Variants in KCNH7 observed in about 807,000 individuals in gnomAD.
KCNH7 encodes the protein voltage-gated inwardly rectifying potassium channel KCNH7.
In KCNH7, 49 loss-of-function variants were observed where a neutral mutation model predicts 120.8. The observed-to-expected ratio is 0.41, with a 90% CI of 0.32 to 0.51. The LOEUF (loss-of-function observed/expected upper bound fraction) is 0.51, where lower values mean the gene tolerates loss of function less well. KCNH7 is among the 20% of genes least tolerant of loss of function. KCNH7 has a pLI of 0.38. For synonymous variants in KCNH7, 547 were observed against 516.1 expected (o/e 1.06, Z -0.81); for missense variants, 1,097 against 1,446.6 (o/e 0.76, Z 3.92).
In KCNH7 at chr2:162,371,737, C is replaced by T; in HGVS notation, c.*92G>A. 8.3e-7 allele frequency: 1 copy of T among 1,204,506 alleles called. No homozygotes were observed. 74.6% of individuals were successfully genotyped at this position (1,204,506 alleles called of 1,614,324 possible). On this transcript the variant is annotated 3_prime_UTR_variant, in exon 16 of 16. Coordinates refer to ENST00000332142, the MANE Select transcript of KCNH7 (RefSeq NM_033272.4). ...TTTGCATATAATGGTACCTTGTGAG[C>T]CCCTGAGTCAAGTAGAGAGGATTTA... is the stretch of plus-strand genomic sequence containing the variant.
chr2:162,757,928 A>C (rs1411259247), intron 2 of KCNH7, among the ~76,000 whole-genome samples: 1 of 152,168 alleles, frequency 6.6e-6, no homozygotes, highest in Non-Finnish European at 1.5e-5. Context: ...TATATTCCTT[A>C]TTCTCAATAA....
chr2:162,494,231 T>A (rs1415596968), intron 6 of KCNH7, among the ~76,000 whole-genome samples: 3 of 152,232 alleles, frequency 2.0e-5, no homozygotes, highest in African/African-American at 7.2e-5. Flanking sequence ...AATAAGAGGT[T>A]TTTGGTCTTT....
At chr2:162,558,350 A>G (rs761257875) in intron 2 of KCNH7, among the ~76,000 whole-genome samples, 3 of 151,592 alleles carry the variant, frequency 2.0e-5, no homozygotes, top group Non-Finnish European at 2.9e-5. Flanking sequence ...AATTTTTTGT[A>G]TTTTTGGTAG....
At chr2:162,781,731 G>C (rs1384354953) in intron 2 of KCNH7, among the ~76,000 whole-genome samples, 2 of 152,138 alleles carry the variant, frequency 1.3e-5, no homozygotes, top group Non-Finnish European at 2.9e-5. Context: ...GTTTTAAACT[G>C]TCTTTCCCTC....
Position 162,373,464 on chromosome 2 carries a change from A to G in KCNH7, c.3324+6T>C. On this transcript the variant is annotated splice_donor_region_variant and intron_variant, in intron 15 of 15. Transcript: ENST00000332142. Reference sequence around the variant, plus strand: ...ACACTCTTGGTTGGATGGTATCCACACTTACTTGTGAGGAAGGGCTGAAAC... The same window carrying G: ...ACACTCTTGGTTGGATGGTATCCACGCTTACTTGTGAGGAAGGGCTGAAAC... 6.6e-7 allele frequency: 1 copy of G among 1,514,898 alleles called. No homozygotes were observed. Among genetic ancestry groups the G allele is most frequent in the Non-Finnish European group, 8.9e-7 (1 of 1,128,000 alleles). 93.8% of individuals were successfully genotyped at this position (1,514,898 alleles called of 1,614,324 possible).
At chr2:162,406,210 T>C (rs1014995770) in intron 9 of KCNH7, among the ~76,000 whole-genome samples, 32 of 151,966 alleles carry the variant, frequency 2.1e-4, no homozygotes, top group African/African-American at 7.7e-4. Flanking sequence ...TTCCTTTTTT[T>C]TTAAACGCCA....
At chr2:162,441,986 ATAGT>A (rs1399794189) in intron 7 of KCNH7, among the ~76,000 whole-genome samples, 21 of 124,044 alleles carry the variant, frequency 1.7e-4, no homozygotes, top group Admixed American at 2.4e-4. Context: ...AAAAAATTAA[ATAGT>A]TAGGTCTTCT....
At chr2:162,521,907 G>A (rs138868089) in intron 3 of KCNH7, among the ~76,000 whole-genome samples, 142 of 151,624 alleles carry the variant, frequency 9.4e-4, no homozygotes, top group African/African-American at 3.2e-3. Context: ...CCCCCACCCC[G>A]TACCCTGCTA....
intron 2 of KCNH7, among the ~76,000 whole-genome samples, chr2:162,671,549 C>T (rs1685358284): frequency 6.6e-6 from 1 of 151,982 alleles, no homozygotes; most frequent in Admixed American, 6.6e-5. Flanking sequence ...ACGTTGGCAA[C>T]TCCAAAAGGT....
chr2:162,500,143 AATATAC>A (rs1403555977), intron 6 of KCNH7, among the ~76,000 whole-genome samples: 1 of 148,240 alleles, frequency 6.7e-6, no homozygotes, highest in African/African-American at 2.5e-5. Flanking sequence ...CATTATATAT[AATATAC>A]ATATTGATAT....
At chr2:162,474,290 T>C (rs1252077553) in intron 6 of KCNH7, among the ~76,000 whole-genome samples, 2 of 152,198 alleles carry the variant, frequency 1.3e-5, no homozygotes, top group African/African-American at 4.8e-5. Context: ...TTATGCACTG[T>C]ATATAAAGGG....
Position 162,394,431 on chromosome 2 carries a change from G to A in KCNH7, c.2668C>T (p.Leu890=). The part of the protein sequence containing the change: ...MNDSEGDNCK[L]RRRKLSFESE... ...TCAAATGACAATTTCCTTCTTCTTAGTTTACAGTTGTCTCCTTCTGAATCA... is the reference window on the plus strand; with the variant it reads ...TCAAATGACAATTTCCTTCTTCTTAATTTACAGTTGTCTCCTTCTGAATCA... The change falls in exon 12 of 16, where the codon CTA becomes TTA. Residue 890 remains leucine (L), a synonymous_variant. Coordinates refer to ENST00000332142, the MANE Select transcript of KCNH7 (RefSeq NM_033272.4). 6.2e-7 allele frequency: 1 copy of A among 1,606,736 alleles called. No homozygotes were observed. Among genetic ancestry groups the A allele is most frequent in the Admixed American group, 1.7e-5 (1 of 59,708 alleles).
intron 2 of KCNH7, among the ~76,000 whole-genome samples, chr2:162,684,584 C>G (rs1463085359): frequency 6.6e-6 from 1 of 151,600 alleles, no homozygotes; most frequent in African/African-American, 2.4e-5. Context: ...ATGTGGCCAA[C>G]AAACATGAAA....
At chr2:162,386,010 C>A (rs991685114) in intron 12 of KCNH7, among the ~76,000 whole-genome samples, 2 of 151,692 alleles carry the variant, frequency 1.3e-5, no homozygotes, top group Non-Finnish European at 2.9e-5. Flanking sequence ...CAGTGTTATG[C>A]GAAATTGTTA....
intron 2 of KCNH7, among the ~76,000 whole-genome samples, chr2:162,552,327 C>T (rs758388824): frequency 6.6e-6 from 1 of 152,064 alleles, no homozygotes; most frequent in Non-Finnish European, 1.5e-5. Context: ...AGATATTTAT[C>T]AGAGTTTTTA....
In KCNH7 at chr2:162,795,080, C is replaced by T. The variant is rs1439199135; in HGVS notation, c.307+41457G>A. ...AATATCTTTAAAATGAATAAGTATC[C>T]ACAAAATCTATATTTTTAGGTATCT... is the stretch of plus-strand genomic sequence containing the variant. On this transcript the variant is annotated intron_variant, in intron 2 of 15. Transcript: ENST00000332142. Among the ~76,000 whole-genome samples the T allele has an allele frequency of 2.0e-5, 3 of 151,792 alleles. 1 individual carries two copies. Among genetic ancestry groups the T allele is most frequent in the African/African-American group, 7.3e-5 (3 of 41,340 alleles).
chr2:162,632,224 A>G (rs983046516), intron 2 of KCNH7, among the ~76,000 whole-genome samples: 9 of 152,004 alleles, frequency 5.9e-5, no homozygotes, highest in African/African-American at 2.2e-4. Flanking sequence ...GGAATACCCA[A>G]TTAGAAAATT....
chr2:162,422,949 G>C (rs1169872471), intron 9 of KCNH7, among the ~76,000 whole-genome samples: 4 of 152,022 alleles, frequency 2.6e-5, no homozygotes, highest in African/African-American at 9.7e-5. Context: ...CTGTTTGGGG[G>C]CATCATAATT....
At chr2:162,598,914 T>A (rs1694462325) in intron 2 of KCNH7, among the ~76,000 whole-genome samples, 2 of 152,134 alleles carry the variant, frequency 1.3e-5, no homozygotes, top group South Asian at 4.1e-4. Flanking sequence ...GAAAATATTA[T>A]AATTTCATAA....
Sources: gnomAD v4.1 joint callset for allele counts (sites outside exome capture counted in the v4.1 genomes callset) on GRCh38, gnomAD v4.1.1 for gene constraint, MANE v1.5 for transcripts, NCBI Gene and HGNC (gene_info 2026-07-23, HGNC 2026-07-21) for gene names.